The following FILIP1L variants were observed in gnomAD, a reference collection of about 807,000 sequenced individuals.
The protein encoded by FILIP1L is filamin A-interacting protein 1-like.
A neutral mutation model predicts 96.6 loss-of-function variants in FILIP1L; 55 were observed. The ratio of observed to expected loss-of-function variants is 0.57; its 90% CI spans 0.46 to 0.71. The LOEUF (loss-of-function observed/expected upper bound fraction) is 0.71. Ranked by LOEUF, FILIP1L falls within the 30% of genes least tolerant of loss-of-function variation. FILIP1L has a pLI of 0.00. For missense variants in FILIP1L, 1,304 were observed against 1,321.2 expected, an observed-to-expected ratio of 0.99 and a Z score of 0.20; for synonymous variants, 467 against 473.9, an observed-to-expected ratio of 0.99 and a Z score of 0.19.
chr3:100,079,277 G>A (rs970926371), intron 1 of FILIP1L, among the ~76,000 whole-genome samples: 7 of 152,154 alleles, frequency 4.6e-5, no homozygotes, highest in Non-Finnish European at 7.3e-5. Context: ...TCTGTTGGTC[G>A]AAGTATTCAA....
chr3:99,915,161 G>A (rs1706912805), intron 4 of FILIP1L, among the ~76,000 whole-genome samples: 1 of 152,102 alleles, frequency 6.6e-6, no homozygotes, highest in South Asian at 2.1e-4. Flanking sequence ...AAATGGGCTT[G>A]TCTTATATCC....
At chr3:99,999,227 A>G (rs184219144) in intron 1 of FILIP1L, among the ~76,000 whole-genome samples, 1 of 152,296 alleles carries the variant, frequency 6.6e-6, no homozygotes, top group African/African-American at 2.4e-5. Context: ...CAAATTTTAG[A>G]AAGTGTGATA....
intron 4 of FILIP1L, among the ~76,000 whole-genome samples, chr3:99,852,314 G>C (rs957087107): frequency 3.3e-5 from 5 of 152,188 alleles, no homozygotes; most frequent in African/African-American, 1.2e-4. Context: ...GATAGGTATA[G>C]AGAATTCATA....
intron 1 of FILIP1L, among the ~76,000 whole-genome samples, chr3:99,951,200 C>T (rs1301832936): frequency 6.6e-6 from 1 of 152,244 alleles, no homozygotes; most frequent in Non-Finnish European, 1.5e-5. Flanking sequence ...CTTCAGCCCT[C>T]AGCTGATACT....
rs1427274646 is a variant in FILIP1L, at chr3:99,875,469, A to G, written c.606-24399T>C. Among the ~76,000 whole-genome samples the G allele has an allele frequency of 2.0e-5, 3 of 152,244 alleles. No homozygotes were observed. In the East Asian group the frequency reaches 5.8e-4, roughly 29 times the overall value. On this transcript the variant is annotated intron_variant, in intron 4 of 5. Transcript: ENST00000477258. ...ACTTGAAGCAGAAAGTTAGAACTCA[A>G]AACTATGATAGTTACTTCCTTGTAC...
chr3:99,949,947 T>C lies in FILIP1L; in HGVS notation c.-10-18917A>G, dbSNP rs1708126867. Among the ~76,000 whole-genome samples, 2 of 152,232 alleles carry C rather than the reference T, an allele frequency of 1.3e-5. 1 individual carries two copies. Among genetic ancestry groups the C allele is most frequent in the Admixed American group, 1.3e-4 (2 of 15,290 alleles). On this transcript the variant is annotated intron_variant, in intron 1 of 5. Coordinates refer to ENST00000477258, the MANE Select transcript of FILIP1L (RefSeq NM_001387850.1). ...TTGTTCTGTTGCTGCTTTATACATATTCTTGGATATCATTAATTATTTCCC... is the reference window on the plus strand; with the variant it reads ...TTGTTCTGTTGCTGCTTTATACATACTCTTGGATATCATTAATTATTTCCC...
intron 1 of FILIP1L, among the ~76,000 whole-genome samples, chr3:100,010,438 C>G (rs1268309678): frequency 6.6e-6 from 1 of 151,962 alleles, no homozygotes; most frequent in Non-Finnish European, 1.5e-5. Flanking sequence ...TTTAGAGCTC[C>G]AAGAAGTAGA....
chr3:99,857,128 T>C (rs541279619), intron 4 of FILIP1L, among the ~76,000 whole-genome samples: 1 of 152,324 alleles, frequency 6.6e-6, no homozygotes, highest in South Asian at 2.1e-4. Flanking sequence ...GAACAAATAC[T>C]CCCTTTTGTG....
chr3:100,072,212 G>A (rs527368373), intron 1 of FILIP1L, among the ~76,000 whole-genome samples: 1 of 152,322 alleles, frequency 6.6e-6, no homozygotes, highest in Admixed American at 6.5e-5. Flanking sequence ...ATGTGCCAAA[G>A]TCTTTCAGCT....
chr3:99,979,817 T>C (rs375841565), intron 1 of FILIP1L, among the ~76,000 whole-genome samples: 48 of 152,286 alleles, frequency 3.2e-4, no homozygotes, highest in African/African-American at 1.2e-3. Flanking sequence ...GGGCACAATT[T>C]AGTTGGGAGA....
Position 100,003,551 on chromosome 3 carries a change from T to G in FILIP1L, c.-10-72521A>C, listed in dbSNP as rs1709903688. 2.6e-5 allele frequency among the ~76,000 whole-genome samples: 4 copies of G among 152,168 alleles called. No homozygotes were observed. In the South Asian group the frequency reaches 8.3e-4, roughly 32 times the overall value. ...TTGTAGATGGCCCAGGTGACTTAGC[T>G]AATGTGTGTCAGAATTGGAATTAGA... On this transcript the variant is annotated intron_variant, in intron 1 of 5. Coordinates refer to ENST00000477258, the MANE Select transcript of FILIP1L (RefSeq NM_001387850.1).
intron 1 of FILIP1L, among the ~76,000 whole-genome samples, chr3:100,049,865 A>G (rs934037912): frequency 9.2e-5 from 14 of 152,306 alleles, no homozygotes; most frequent in South Asian, 2.1e-4. Context: ...TATTTTATCA[A>G]TAAGGCTTCT....
At chr3:100,080,049 G>A (rs1053878783) in intron 1 of FILIP1L, among the ~76,000 whole-genome samples, 7 of 151,956 alleles carry the variant, frequency 4.6e-5, no homozygotes, top group African/African-American at 1.5e-4. Context: ...CAAAATTAAC[G>A]GTGTCAACAC....
At chr3:99,938,726 G>A (rs1707767970) in intron 1 of FILIP1L, among the ~76,000 whole-genome samples, 1 of 152,148 alleles carries the variant, frequency 6.6e-6, no homozygotes, top group Non-Finnish European at 1.5e-5. Flanking sequence ...TATGAAAATA[G>A]TGGCTATAAA....
chr3:100,096,001 A>C (rs1291296462), intron 1 of FILIP1L, among the ~76,000 whole-genome samples: 1 of 152,182 alleles, frequency 6.6e-6, no homozygotes, highest in Non-Finnish European at 1.5e-5. Context: ...CATACAGATG[A>C]CAAACAGGCA....
At chr3:99,957,693 CTTTTTTTTTTTTTTT>C (rs779350496) in intron 1 of FILIP1L, among the ~76,000 whole-genome samples, 766 of 19,940 alleles carry the variant, frequency 0.038, 29 homozygotes, top group African/African-American at 0.08. Context: ...TTCTTTCTTT[CTTTTTTTTTTTTTTT>C]TTTTTTTTTT....
At chr3:99,991,958 G>A (rs1299518917) in intron 1 of FILIP1L, among the ~76,000 whole-genome samples, 1 of 147,100 alleles carries the variant, frequency 6.8e-6, no homozygotes, top group Non-Finnish European at 1.5e-5. Flanking sequence ...GTGTATATAT[G>A]TGTGTATATA....
intron 3 of FILIP1L, among the ~76,000 whole-genome samples, chr3:99,928,488 G>T (rs1373790097): frequency 2.0e-5 from 3 of 152,156 alleles, no homozygotes; most frequent in Admixed American, 6.5e-5. Context: ...TGTAAAGTAG[G>T]GCCAGATTAT....
At chr3:99,924,570 G>C (rs1374788371) in intron 3 of FILIP1L, among the ~76,000 whole-genome samples, 162 bp from the exon 4 acceptor site, 1 of 152,184 alleles carries the variant, frequency 6.6e-6, no homozygotes, top group African/African-American at 2.4e-5. Context: ...CCAGGCTGGA[G>C]TGCAATGGCG....
Sources: allele counts gnomAD v4.1 joint callset (sites outside exome capture counted in the v4.1 genomes callset), GRCh38; gene constraint gnomAD v4.1.1; transcripts MANE v1.5; gene names NCBI Gene and HGNC (gene_info 2026-07-23, HGNC 2026-07-21).